Variants in CCDC88A observed in about 807,000 individuals in gnomAD.
CCDC88A encodes the protein girdin.
A neutral mutation model predicts 234.3 loss-of-function variants in CCDC88A; 54 were observed. The ratio of observed to expected loss-of-function variants is 0.23; its 90% CI spans 0.19 to 0.29. The LOEUF (loss-of-function observed/expected upper bound fraction) is 0.29, where lower values mean the gene tolerates loss of function less well. Among genes scored for constraint, CCDC88A ranks in the 10% least tolerant of loss-of-function variants. CCDC88A has a pLI of 1.00. For synonymous variants in CCDC88A, 753 were observed against 737.8 expected, an observed-to-expected ratio of 1.02 and a Z score of -0.33; for missense variants, 1,832 against 2,123.4, an observed-to-expected ratio of 0.86 and a Z score of 2.70.
chr2:55,327,160 A>G (rs943946094), intron 17 of CCDC88A, among the ~76,000 whole-genome samples: 1 of 152,174 alleles, frequency 6.6e-6, no homozygotes. Context: ...GTAACAATGT[A>G]TGTTCGATGG....
intron 2 of CCDC88A, chr2:55,394,651 A>C (rs1412595200): frequency 2.1e-5 from 2 of 94,524 alleles, no homozygotes; most frequent in Non-Finnish European, 3.8e-5. Flanking sequence ...CACACTGGGG[A>C]CTGTTGTGGG....
At chr2:55,331,226 T>A (rs1212523936) in intron 16 of CCDC88A, among the ~76,000 whole-genome samples, 4 of 152,238 alleles carry the variant, frequency 2.6e-5, no homozygotes, top group Admixed American at 1.3e-4. Context: ...ATATTCAGTA[T>A]CTATATTAAA....
In CCDC88A at chr2:55,289,753, G is replaced by C. The variant is rs1310780552; in HGVS notation, c.*1447C>G. 2.5e-5 allele frequency: 3 copies of C among 118,364 alleles called. No individual in the cohort carries two copies. The highest frequency in any genetic ancestry group is 1.0e-4 in the Admixed American group (1 of 9,592). The allele number at this position is 118,364 out of a possible 1,614,324, so 7.3% of individuals were successfully genotyped here. ...AACATTGCTACTGGCCTACGAAAGA[G>C]AGAGAGAAAGAGGGAGAGAGAAAGA... On this transcript the variant is annotated 3_prime_UTR_variant, in exon 33 of 33. Transcript: ENST00000436346.
At position 55,334,445 on chromosome 2, in the gene CCDC88A, T is replaced by A; in HGVS notation, c.2376A>T (p.Glu792Asp). Residue 792 changes from glutamate (E) to aspartate (D), a missense_variant, in exon 15 of 33, where the codon GAA (glutamate) becomes GAT (aspartate). By Grantham distance (45) the Glu-to-Asp change is conservative. Transcript: ENST00000436346. This position sits in a 1 kb window ranked among gnomAD's most constrained non-coding sequence, Gnocchi z 6.1. ...CTAGGTTTTTCTGCAATGTTTGATTTTCCATCTCTAAGTCTTGTAGTTCAC... is the reference window on the plus strand; with the variant it reads ...CTAGGTTTTTCTGCAATGTTTGATTATCCATCTCTAAGTCTTGTAGTTCAC... The part of the protein sequence containing the change: ...LESELQDLEM[E>D]NQTLQKNLEE... The A allele has an allele frequency of 6.3e-7, 1 of 1,584,526 alleles. No individual in the cohort carries two copies. Among genetic ancestry groups the A allele is most frequent in the East Asian group, 2.2e-5 (1 of 44,720 alleles).
At chr2:55,378,209 C>T (rs138125928) in intron 3 of CCDC88A, among the ~76,000 whole-genome samples, 17 of 152,292 alleles carry the variant, frequency 1.1e-4, no homozygotes, top group Admixed American at 4.6e-4. Context: ...ACTCTGTTTC[C>T]CCATGCTCTA....
chr2:55,416,482 A>ATG (rs1681482806), intron 2 of CCDC88A, among the ~76,000 whole-genome samples: 1 of 118,606 alleles, frequency 8.4e-6, no homozygotes, highest in Non-Finnish European at 1.8e-5. Flanking sequence ...ATATATATAT[A>ATG]TATATGTATA....
intron 29 of CCDC88A, among the ~76,000 whole-genome samples, chr2:55,297,435 G>T (rs1208241178): frequency 4.2e-5 from 3 of 71,436 alleles, no homozygotes; most frequent in Non-Finnish European, 9.3e-5. Flanking sequence ...TTTTGAGATG[G>T]GGTCTCACTG....
rs1299581024 is a variant in CCDC88A, at chr2:55,328,387, A to G, written c.2904T>C (p.Ser968=). The change falls in exon 17 of 33, where the codon TCT becomes TCC. Residue 968 remains serine, a synonymous_variant. Transcript: ENST00000436346. This position sits in a 1 kb window ranked among gnomAD's most constrained non-coding sequence, Gnocchi z 4.3. ...CAATTTTTTCTTCTTTTATTTCAAG[A>G]GACTTCTTAAGAGTGGATTCTAATT... ...ESKLESTLKK[S]LEIKEEKIAA... is the part of the protein sequence containing the mutation. 1 of 1,594,906 alleles carries G rather than the reference A, an allele frequency of 6.3e-7. No homozygotes were observed. The highest frequency in any genetic ancestry group is 8.6e-7 in the Non-Finnish European group (1 of 1,169,330).
At chr2:55,373,871 A>G (rs2104826993) in intron 4 of CCDC88A, among the ~76,000 whole-genome samples, 1 of 152,322 alleles carries the variant, frequency 6.6e-6, no homozygotes, top group East Asian at 1.9e-4. Context: ...TGAAGAAAAT[A>G]CACTAATTTG....
chr2:55,353,020 T>C (rs1344881), intron 8 of CCDC88A, among the ~76,000 whole-genome samples: 73,193 of 151,952 alleles, frequency 0.48, 18,866 homozygotes, highest in East Asian at 0.85. Context: ...CAAAGGGCAA[T>C]GAAGATATTA....
intron 6 of CCDC88A, chr2:55,363,481 AGACTT>A (rs1671572270): frequency 6.6e-6 from 1 of 152,112 alleles, no homozygotes; most frequent in South Asian, 2.1e-4. Flanking sequence ...AATATGCCCT[AGACTT>A]AAGTTTTTAT....
chr2:55,396,086 G>A (rs1284501274), intron 2 of CCDC88A, among the ~76,000 whole-genome samples: 1 of 148,826 alleles, frequency 6.7e-6, no homozygotes, highest in African/African-American at 2.5e-5. Flanking sequence ...CTTTTTTCTT[G>A]TCTGGTATCT....
chr2:55,320,291 T>A (rs1683464694), intron 18 of CCDC88A, among the ~76,000 whole-genome samples: 1 of 152,170 alleles, frequency 6.6e-6, no homozygotes, highest in African/African-American at 2.4e-5. Context: ...CTCTACCGAT[T>A]ATTCCAGGTG....
At chr2:55,337,232 G>A (rs1667911262) in intron 13 of CCDC88A, 1 of 158,356 alleles carries the variant, frequency 6.3e-6, no homozygotes, top group African/African-American at 2.4e-5. Context: ...AGGAAAAGAT[G>A]ATAAACAGTA....
chr2:55,288,200 G>A lies in CCDC88A; in HGVS notation c.*3000C>T, dbSNP rs1679201552. 6.6e-6 allele frequency: 1 copy of A among 152,594 alleles called. No homozygotes were observed. The highest frequency in any genetic ancestry group is 6.5e-5 in the Admixed American group (1 of 15,272). The allele number at this position is 152,594 out of a possible 1,614,324, so 9.5% of individuals were successfully genotyped here. Reference sequence around the variant, plus strand: ...ATTTAAAATTAGATTTTGTTGAAGGGTGTTATAAGTGCAACTTTATCCATA... The same window carrying A: ...ATTTAAAATTAGATTTTGTTGAAGGATGTTATAAGTGCAACTTTATCCATA... On this transcript the variant is annotated 3_prime_UTR_variant, in exon 33 of 33. Transcript: ENST00000436346.
At chr2:55,385,708 C>G (rs1675465763) in intron 3 of CCDC88A, among the ~76,000 whole-genome samples, 1 of 151,536 alleles carries the variant, frequency 6.6e-6, no homozygotes, top group Non-Finnish European at 1.5e-5. Context: ...CAAAAATTAG[C>G]CGGGCCTGGT....
At chr2:55,346,968 A>G (rs748783158) in intron 9 of CCDC88A, among the ~76,000 whole-genome samples, 8 of 152,138 alleles carry the variant, frequency 5.3e-5, no homozygotes, top group Non-Finnish European at 1.0e-4. Flanking sequence ...AATATTCAGG[A>G]TATTTTAAAA....
rs781113826 is a variant in CCDC88A, at chr2:55,362,279, T to G, written c.627+29A>C. The stretch of plus-strand genomic sequence containing the variant: ...ATTTTCTTTTTTGGAAAGCAAACTT[T>G]CACAATATACTGAAAGAATTTTACA... On this transcript the variant is annotated intron_variant, in intron 7 of 32. Transcript: ENST00000436346. 10 of 1,525,240 alleles carry G rather than the reference T, an allele frequency of 6.6e-6. No individual in the cohort carries two copies. The Admixed American group carries it at 2.2e-4, about 33-fold the overall frequency. 94.5% of individuals were successfully genotyped at this position (1,525,240 alleles called of 1,614,324 possible). A position where few individuals can be genotyped will look rare whatever the true frequency, so the allele number is the denominator to read the frequency against.
chr2:55,357,525 C>G (rs1290126271), intron 7 of CCDC88A, among the ~76,000 whole-genome samples: 1 of 152,034 alleles, frequency 6.6e-6, no homozygotes, highest in Non-Finnish European at 1.5e-5. Context: ...TGTAAATTCT[C>G]TTACTCTAAA....
Sources: gnomAD v4.1 joint callset for allele counts (sites outside exome capture counted in the v4.1 genomes callset) on GRCh38, gnomAD v4.1.1 for gene constraint, Gnocchi (gnomAD v3.1) non-coding constraint, MANE v1.5 for transcripts, NCBI Gene and HGNC (gene_info 2026-07-23, HGNC 2026-07-21) for gene names.